Variants in FLT3 observed in about 807,000 individuals in gnomAD.
FLT3 encodes receptor-type tyrosine-protein kinase FLT3.
Under a neutral mutation model 126.6 loss-of-function variants are expected in FLT3, and 46 were observed. The ratio of observed to expected loss-of-function variants is 0.36; its 90% CI spans 0.29 to 0.46. The LOEUF (loss-of-function observed/expected upper bound fraction) is 0.46, where lower values mean the gene tolerates loss of function less well. Ranked by LOEUF, FLT3 falls within the 20% of genes least tolerant of loss-of-function variation. The probability of loss-of-function intolerance (pLI) is 1.00; values close to 1 mark genes in which losing one functional copy is unlikely to be tolerated. For synonymous variants in FLT3, 404 were observed against 434.4 expected (o/e 0.93, Z 0.87); for missense variants, 1,069 against 1,190.3 (o/e 0.90, Z 1.50).
chr13:28,037,102 A>G (rs1873905463), intron 10 of FLT3, 83 bp downstream of exon 10: 1 of 812,478 alleles, frequency 1.2e-6, no homozygotes, highest in Non-Finnish European at 2.1e-6. Flanking sequence ...CTTCTAAGCC[A>G]TTACTTAACT....
At chr13:28,071,081 G>A (rs1490807395) in intron 1 of FLT3, among the ~76,000 whole-genome samples, 3 of 133,704 alleles carry the variant, frequency 2.2e-5, no homozygotes, top group South Asian at 2.6e-4. Flanking sequence ...TGCAAGCTCC[G>A]CCTCCCAGGC....
At chr13:28,068,914 C>T (rs771338558) in intron 2 of FLT3, among the ~76,000 whole-genome samples, 4 of 152,074 alleles carry the variant, frequency 2.6e-5, no homozygotes, top group South Asian at 4.1e-4. Context: ...ACTTAAGCTT[C>T]CCTTGAGTAA....
chr13:28,095,279 CCT>C (rs1479418626), intron 1 of FLT3, among the ~76,000 whole-genome samples: 3 of 152,022 alleles, frequency 2.0e-5, no homozygotes, highest in African/African-American at 4.8e-5. Flanking sequence ...TTCAGTTTCC[CCT>C]CTCTTTTTTT....
At chr13:28,042,188 T>TAATAATAAAAAA (rs1555255326) in intron 9 of FLT3, among the ~76,000 whole-genome samples, 5 of 136,700 alleles carry the variant, frequency 3.7e-5, no homozygotes, top group East Asian at 2.1e-4. Flanking sequence ...ATAATAATAA[T>TAATAATAAAAAA]AAATAAAAAT....
At chr13:28,086,619 CGTGTG>C (rs555380968) in intron 1 of FLT3, among the ~76,000 whole-genome samples, 2 of 134,834 alleles carry the variant, frequency 1.5e-5, no homozygotes, top group East Asian at 4.3e-4. Context: ...CTGAAGAACT[CGTGTG>C]TGTGTGTGTG....
intron 2 of FLT3, among the ~76,000 whole-genome samples, chr13:28,066,217 G>A (rs1877021412): frequency 1.3e-5 from 2 of 152,152 alleles, no homozygotes; most frequent in Non-Finnish European, 2.9e-5. Context: ...CTGTCCTTTA[G>A]TTAGTAAATC....
chr13:28,037,553 T>C (rs1410797087), intron 9 of FLT3, among the ~76,000 whole-genome samples: 1 of 152,214 alleles, frequency 6.6e-6, no homozygotes, highest in African/African-American at 2.4e-5. Context: ...ACTCAGAATC[T>C]GCATTTTAAG....
At chr13:28,094,057 T>C (rs754982740) in intron 1 of FLT3, among the ~76,000 whole-genome samples, 9 of 152,352 alleles carry the variant, frequency 5.9e-5, no homozygotes, top group South Asian at 2.1e-4. Context: ...GCAGCTGTGC[T>C]TTACAAGTAT....
chr13:28,074,921 A>T (rs1056316995), intron 1 of FLT3, among the ~76,000 whole-genome samples: 8 of 152,282 alleles, frequency 5.3e-5, no homozygotes, highest in Admixed American at 5.2e-4. Context: ...GGTGTGAGCC[A>T]CTGCGCTCAG....
At chr13:28,011,947 G>A (rs565469389) in intron 23 of FLT3, among the ~76,000 whole-genome samples, 50 of 151,920 alleles carry the variant, frequency 3.3e-4, no homozygotes, top group African/African-American at 1.1e-3. Context: ...ACAGGCATGC[G>A]CCACCACGCC....
intron 15 of FLT3, among the ~76,000 whole-genome samples, chr13:28,033,081 A>G (rs1163927272): frequency 6.6e-6 from 1 of 151,688 alleles, no homozygotes; most frequent in East Asian, 1.9e-4. Flanking sequence ...GCACTTTAGG[A>G]GGCCAAGGCA....
chr13:28,037,844 G>A (rs771399491), intron 9 of FLT3, among the ~76,000 whole-genome samples: 4 of 152,172 alleles, frequency 2.6e-5, no homozygotes, highest in Non-Finnish European at 4.4e-5. Flanking sequence ...ATTCCCACAG[G>A]AGCGGAAACC....
intron 4 of FLT3, among the ~76,000 whole-genome samples, chr13:28,054,073 T>C (rs1334723211): frequency 6.6e-6 from 1 of 152,206 alleles, no homozygotes; most frequent in Non-Finnish European, 1.5e-5. Flanking sequence ...TACTGAGGCA[T>C]GTGTATAACA....
chr13:28,085,048 C>G (rs576002581), intron 1 of FLT3, among the ~76,000 whole-genome samples: 1 of 151,268 alleles, frequency 6.6e-6, no homozygotes, highest in South Asian at 2.1e-4. Context: ...TAAGTGTGCA[C>G]CTGAAAAGAT....
chr13:28,005,056 G>A (rs1427020769), intron 23 of FLT3, among the ~76,000 whole-genome samples: 1 of 152,232 alleles, frequency 6.6e-6, no homozygotes, highest in Admixed American at 6.5e-5. Context: ...AAGGCCGGGC[G>A]CAGTGGCTCA....
chr13:28,063,567 T>C (rs554974520), intron 2 of FLT3, among the ~76,000 whole-genome samples: 46 of 152,354 alleles, frequency 3.0e-4, no homozygotes, highest in Non-Finnish European at 3.4e-4. Context: ...TCCTATCTCC[T>C]TTACATGGCT....
intron 9 of FLT3, among the ~76,000 whole-genome samples, chr13:28,047,448 G>T (rs1874984903): frequency 6.6e-6 from 1 of 152,070 alleles, no homozygotes; most frequent in Non-Finnish European, 1.5e-5. Context: ...AGTGGCTCAC[G>T]CCTGTAATCC....
Position 28,077,299 on chromosome 13 carries a change from A to G in FLT3, c.44-6687T>C, listed in dbSNP as rs186569087. 9.2e-5 allele frequency among the ~76,000 whole-genome samples: 14 copies of G among 152,220 alleles called. No homozygotes were observed. The East Asian group carries it at 2.7e-3, about 29-fold the overall frequency. On this transcript the variant is annotated intron_variant, in intron 1 of 23. Coordinates refer to ENST00000241453, the MANE Select transcript of FLT3 (RefSeq NM_004119.3). ...AAAATATACCCAAGACTGGGAAGAA[A>G]AAGAGGTTTAATTGGATTTACAGCT...
At chr13:28,015,559 G>C (rs764080369) in intron 21 of FLT3, 31 bp downstream of exon 21, 2 of 1,344,900 alleles carry the variant, frequency 1.5e-6, no homozygotes, top group Admixed American at 1.7e-5. Context: ...AAAGCCAGGA[G>C]CCAAGGGAGG....
Sources: allele counts gnomAD v4.1 joint callset (sites outside exome capture counted in the v4.1 genomes callset), GRCh38; gene constraint gnomAD v4.1.1; transcripts MANE v1.5; gene names NCBI Gene and HGNC (gene_info 2026-07-23, HGNC 2026-07-21).